Variants in THSD7A observed in about 807,000 individuals in gnomAD.
THSD7A encodes thrombospondin type 1 domain containing 7A, also known as thrombospondin type-1 domain-containing protein 7A.
THSD7A carries 96 observed loss-of-function variants against 231.3 expected under a neutral mutation model. The observed-to-expected ratio is 0.41, with a 90% confidence interval of 0.35 to 0.49. THSD7A has a LOEUF of 0.49. Among genes scored for constraint, THSD7A ranks in the 20% least tolerant of loss-of-function variants. The pLI is 0.05. For synonymous variants in THSD7A, 940 were observed against 743.3 expected (o/e 1.26, Z -4.30); for missense variants, 2,290 against 2,070.2 (o/e 1.11, Z -2.06).
chr7:11,717,940 T>A (rs1781199241), intron 1 of THSD7A, among the ~76,000 whole-genome samples: 2 of 151,600 alleles, frequency 1.3e-5, no homozygotes, highest in South Asian at 4.2e-4. Context: ...GGATCTTTGT[T>A]TAGTCTACGA....
intron 2 of THSD7A, among the ~76,000 whole-genome samples, chr7:11,616,139 T>G (rs1584087920): frequency 6.6e-6 from 1 of 152,260 alleles, no homozygotes; most frequent in South Asian, 2.1e-4. Flanking sequence ...TAGATAATAT[T>G]TTCTAATCCC....
At position 11,376,608 on chromosome 7, in the gene THSD7A, C is replaced by G. The variant is rs1318638693; in HGVS notation, c.4851G>C (p.Val1617=). Residue 1617 remains valine, a synonymous_variant, in exon 27 of 28, where the codon GTG becomes GTC. Transcript: ENST00000423059. ...TCATGGAGACAATAAAGATGAGTAA[C>G]ACAAATGCCCCAGCTGCTACACCGT... ...WVYGVAAGAF[V]LLIFIVSMIY... 6.3e-7 allele frequency: 1 copy of G among 1,588,722 alleles called. No individual in the cohort carries two copies. The highest frequency in any genetic ancestry group is 1.2e-5 in the South Asian group (1 of 86,662).
At position 11,406,024 on chromosome 7, in the gene THSD7A, G is replaced by C. The variant is rs1379225474; in HGVS notation, c.4237+276C>G. On this transcript the variant is annotated intron_variant, in intron 22 of 27. Coordinates refer to ENST00000423059, the MANE Select transcript of THSD7A (RefSeq NM_015204.3). This position sits in a 1 kb window ranked among gnomAD's most constrained non-coding sequence, Gnocchi z 4.7. ...TCTTTTATTTCATAACTTTTCTGTGGAGCATGGGCTTAAGGCCTTAAATAC... is the reference window on the plus strand; with the variant it reads ...TCTTTTATTTCATAACTTTTCTGTGCAGCATGGGCTTAAGGCCTTAAATAC... 1.3e-5 allele frequency among the ~76,000 whole-genome samples: 2 copies of C among 151,990 alleles called. No homozygotes were observed. Among genetic ancestry groups the C allele is most frequent in the Non-Finnish European group, 2.9e-5 (2 of 68,008 alleles).
intron 1 of THSD7A, among the ~76,000 whole-genome samples, chr7:11,688,157 G>A (rs1345993662): frequency 1.3e-5 from 2 of 149,250 alleles, no homozygotes; most frequent in Admixed American, 1.4e-4. Flanking sequence ...GAGAACATGC[G>A]GTGGTTTTTT....
intron 9 of THSD7A, among the ~76,000 whole-genome samples, chr7:11,465,020 G>A (rs963652705): frequency 6.6e-6 from 1 of 152,102 alleles, no homozygotes; most frequent in Non-Finnish European, 1.5e-5. Flanking sequence ...CTGGCAAACT[G>A]GGAATTTTAT....
chr7:11,401,502 T>C (rs1783400956), intron 23 of THSD7A, among the ~76,000 whole-genome samples: 1 of 152,140 alleles, frequency 6.6e-6, no homozygotes, highest in Non-Finnish European at 1.5e-5. Flanking sequence ...CTGCAGTCTC[T>C]GGCCTCCCGG....
intron 1 of THSD7A, among the ~76,000 whole-genome samples, chr7:11,651,586 G>A (rs1782511614): frequency 6.6e-6 from 1 of 151,698 alleles, no homozygotes; most frequent in Non-Finnish European, 1.5e-5. Flanking sequence ...CTGAAACTTA[G>A]AGAATACTTC....
In THSD7A at chr7:11,582,191, T is replaced by C. The variant is rs1791195753; in HGVS notation, c.1453+8269A>G. Among the ~76,000 whole-genome samples, 3 of 152,092 alleles carry C rather than the reference T, an allele frequency of 2.0e-5. No individual in the cohort carries two copies. The South Asian group carries it at 6.2e-4, about 31-fold the overall frequency. Reference sequence around the variant, plus strand: ...ATTTTATCCAGCCTCTTTCATTTTTTCTATTGGATTGGAACAATATATATG... The same window carrying C: ...ATTTTATCCAGCCTCTTTCATTTTTCCTATTGGATTGGAACAATATATATG... On this transcript the variant is annotated intron_variant, in intron 4 of 27. Coordinates refer to ENST00000423059, the MANE Select transcript of THSD7A (RefSeq NM_015204.3).
At chr7:11,739,079 C>A (rs1782016661) in intron 1 of THSD7A, among the ~76,000 whole-genome samples, 1 of 151,768 alleles carries the variant, frequency 6.6e-6, no homozygotes, top group East Asian at 1.9e-4. Context: ...ATTCGGTGGC[C>A]CAAGTAACAA....
Position 11,831,951 on chromosome 7 carries a change from C to T in THSD7A, c.-5G>A. 1 of 1,231,790 alleles carries T rather than the reference C, an allele frequency of 8.1e-7. No individual in the cohort carries two copies. The allele number at this position is 1,231,790 out of a possible 1,614,324, so 76.3% of individuals were successfully genotyped here. On this transcript the variant is annotated 5_prime_UTR_variant, in exon 1 of 28. Transcript: ENST00000423059. The surrounding 1 kb of genome is among the most constrained non-coding windows in gnomAD (Gnocchi z 5.0). ...GCGCCTGGCTTGCAGCCCCATGCCG[C>T]CTGCAGCCACTCCAGGGTCCAGAGC...
chr7:11,597,061 A>G (rs567716726), intron 2 of THSD7A, among the ~76,000 whole-genome samples: 1 of 152,344 alleles, frequency 6.6e-6, no homozygotes, highest in African/African-American at 2.4e-5. Flanking sequence ...CATTACATTG[A>G]TGACATTATG....
At chr7:11,509,117 T>C (rs1787682299) in intron 6 of THSD7A, among the ~76,000 whole-genome samples, 1 of 152,212 alleles carries the variant, frequency 6.6e-6, no homozygotes, top group South Asian at 2.1e-4. Flanking sequence ...TTTAAAAATA[T>C]ACACTTTACA....
Position 11,481,966 on chromosome 7 carries a change from T to C in THSD7A, c.1839A>G (p.Arg613=), listed in dbSNP as rs1786445111. 1 of 1,596,566 alleles carries C rather than the reference T, an allele frequency of 6.3e-7. No homozygotes were observed. The highest frequency in any genetic ancestry group is 1.1e-5 in the South Asian group (1 of 88,288). The part of the protein sequence containing the change: ...CINSDGEEVD[R]QLCRDAIFPI... ...GGAAGATGGCATCTCTGCACAGCTGTCTGTCAACTTCTTCTCCTGGGGAAA... is the reference window on the plus strand; with the variant it reads ...GGAAGATGGCATCTCTGCACAGCTGCCTGTCAACTTCTTCTCCTGGGGAAA... Residue 613 remains arginine (R), a synonymous_variant, in exon 7 of 28, where the codon AGA becomes AGG. Transcript: ENST00000423059.
At chr7:11,681,457 A>G (rs1010773310) in intron 1 of THSD7A, among the ~76,000 whole-genome samples, 2 of 152,108 alleles carry the variant, frequency 1.3e-5, no homozygotes, top group Non-Finnish European at 2.9e-5. Flanking sequence ...AGCTTTCAGA[A>G]TACAGCTGGA....
intron 1 of THSD7A, among the ~76,000 whole-genome samples, chr7:11,676,049 C>A (rs146087790): frequency 6.6e-6 from 1 of 152,148 alleles, no homozygotes; most frequent in Non-Finnish European, 1.5e-5. Context: ...CCCTCTAGGA[C>A]GAAGCTTCCA....
At chr7:11,598,685 A>G (rs115247749) in intron 2 of THSD7A, among the ~76,000 whole-genome samples, 4 of 152,158 alleles carry the variant, frequency 2.6e-5, no homozygotes, top group African/African-American at 9.7e-5. Context: ...AGCATGCAAT[A>G]TATGGTACTC....
intron 1 of THSD7A, among the ~76,000 whole-genome samples, chr7:11,742,609 T>TA (rs957776216): frequency 4.8e-4 from 73 of 152,030 alleles, no homozygotes; most frequent in African/African-American, 1.7e-3. Flanking sequence ...GAAATTCTCA[T>TA]AAAAAATTCA....
At position 11,544,826 on chromosome 7, in the gene THSD7A, C is replaced by A. The variant is rs555643231; in HGVS notation, c.1454-1709G>T. Among the ~76,000 whole-genome samples the A allele has an allele frequency of 6.2e-5, 9 of 144,790 alleles. No homozygotes were observed. The South Asian group carries it at 2.1e-3, about 34-fold the overall frequency. The allele number at this position is 144,790 out of a possible 152,430, so 95.0% of individuals were successfully genotyped here. A position where few individuals can be genotyped will look rare whatever the true frequency, so the allele number is the denominator to read the frequency against. On this transcript the variant is annotated intron_variant, in intron 4 of 27. Coordinates refer to ENST00000423059, the MANE Select transcript of THSD7A (RefSeq NM_015204.3). The stretch of plus-strand genomic sequence containing the variant: ...CCCCCGCCTCCCCACCCCCACCACT[C>A]CCACACTCGCCACTACAGTGAAAAT...
intron 23 of THSD7A, among the ~76,000 whole-genome samples, chr7:11,391,922 G>C (rs1374530937): frequency 1.3e-5 from 2 of 152,060 alleles, no homozygotes; most frequent in East Asian, 3.9e-4. Flanking sequence ...TCCGTGGGCT[G>C]CACCCACTGT....
Sources: gnomAD v4.1 joint callset for allele counts (sites outside exome capture counted in the v4.1 genomes callset) on GRCh38, gnomAD v4.1.1 for gene constraint, Gnocchi (gnomAD v3.1) non-coding constraint, MANE v1.5 for transcripts, NCBI Gene and HGNC (gene_info 2026-07-23, HGNC 2026-07-21) for gene names.